Variants in EIF4E3 observed in about 807,000 individuals in gnomAD.
EIF4E3 encodes eukaryotic translation initiation factor 4E family member 3.
A neutral mutation model predicts 31.7 loss-of-function variants in EIF4E3; 26 were observed. The observed-to-expected ratio is 0.82, with a 90% CI of 0.60 to 1.14. The LOEUF is 1.14. Among genes scored for constraint, EIF4E3 ranks in the 50% most tolerant of loss-of-function variants. The pLI, the probability that EIF4E3 is intolerant of heterozygous loss-of-function variation, is 0.00. For synonymous variants in EIF4E3, 128 were observed against 107.7 expected (o/e 1.19, Z -1.17); for missense variants, 304 against 270.9 (o/e 1.12, Z -0.86).
chr3:71,693,956 G>T lies in EIF4E3; in HGVS notation c.406-15C>A, dbSNP rs759002916. The T allele has an allele frequency of 5.8e-6, 9 of 1,552,528 alleles. No individual in the cohort carries two copies. Among genetic ancestry groups the T allele is most frequent in the Admixed American group, 2.0e-5 (1 of 49,150 alleles). On this transcript the variant is annotated splice_polypyrimidine_tract_variant and intron_variant, in intron 4 of 6. Transcript: ENST00000425534. The stretch of plus-strand genomic sequence containing the variant: ...CAAACTGTGGACTGATATGGGAAAA[G>T]AATAAAAAACAAAACAAACAAAATA...
chr3:71,737,181 C>A (rs2049772339), intron 1 of EIF4E3, among the ~76,000 whole-genome samples: 1 of 152,180 alleles, frequency 6.6e-6, no homozygotes, highest in South Asian at 2.1e-4. Flanking sequence ...AACCCTAAGT[C>A]TGCCTGTGCT....
rs2048948619 is a variant in EIF4E3, at chr3:71,683,477, C to T, written c.*1205G>A. The T allele has an allele frequency of 6.6e-6, 1 of 152,224 alleles. No individual in the cohort carries two copies. The highest frequency in any genetic ancestry group is 2.4e-5 in the African/African-American group (1 of 41,452). 9.4% of individuals were successfully genotyped at this position (152,224 alleles called of 1,614,324 possible). The stretch of plus-strand genomic sequence containing the variant: ...GTCAGGAGAGGGAAATCAGCGTATT[C>T]TGAGCTAGTCTCCATGGTCCAGAGG... On this transcript the variant is annotated 3_prime_UTR_variant, in exon 7 of 7. Transcript: ENST00000425534.
At position 71,693,883 on chromosome 3, in the gene EIF4E3, G is replaced by A. The variant is rs866131789; in HGVS notation, c.464C>T (p.Ala155Val). Residue 155 changes from alanine to valine, a missense_variant, in exon 5 of 7, where the codon GCC becomes GTC. Ala to Val is a moderately conservative substitution (Grantham distance 64). Transcript: ENST00000425534. ...GCCGTGGGCTGCTTTACCTGCTGCG[G>A]CACAGTCTGTGAACTGTTCCCCGAT... is the stretch of plus-strand genomic sequence containing the variant. ...ATIGEQFTDC[A>V]AADDEVIGVS... 9.5e-6 allele frequency: 15 copies of A among 1,571,914 alleles called. No homozygotes were observed. Among genetic ancestry groups the A allele is most frequent in the Non-Finnish European group, 1.2e-5 (14 of 1,159,128 alleles).
chr3:71,712,644 G>GGGGGGGGGGGGGGGGGGC (rs35405190), intron 1 of EIF4E3, among the ~76,000 whole-genome samples: 1 of 123,988 alleles, frequency 8.1e-6, no homozygotes, highest in Non-Finnish European at 1.6e-5. Context: ...GTGGGCGGGG[G>GGGGGGGGGGGGGGGGGGC]AGATTCTAGG....
At chr3:71,739,361 C>A (rs62246357) in intron 1 of EIF4E3, among the ~76,000 whole-genome samples, 26,203 of 151,866 alleles carry the variant, frequency 0.17, 2,331 homozygotes, top group East Asian at 0.31. Context: ...TTCAGATATG[C>A]AAGAGCTGAA....
At chr3:71,695,707 G>A (rs1355937478) in intron 4 of EIF4E3, among the ~76,000 whole-genome samples, 1 of 152,136 alleles carries the variant, frequency 6.6e-6, no homozygotes, top group East Asian at 1.9e-4. Context: ...ATGGGTCCCT[G>A]GAGACATTTC....
At chr3:71,662,954 C>T in the EIF4E3 span, among the ~76,000 whole-genome samples, 1 of 152,298 alleles carries the variant, frequency 6.6e-6, no homozygotes, top group African/African-American at 2.4e-5. Flanking sequence ...TTCTCACATG[C>T]TTAGCACACA....
chr3:71,750,920 T>C (rs1049952085), intron 1 of EIF4E3, among the ~76,000 whole-genome samples: 3 of 151,252 alleles, frequency 2.0e-5, no homozygotes, highest in African/African-American at 4.9e-5. Flanking sequence ...CCTGCCACCA[T>C]GCCCAGCTAA....
upstream of EIF4E3, among the ~76,000 whole-genome samples, chr3:71,726,781 A>C (rs2049644869): frequency 1.3e-5 from 2 of 152,218 alleles, no homozygotes. Context: ...TCTATACAAC[A>C]TACAATGCTG....
chr3:71,710,528 G>C (rs2049363358), intron 1 of EIF4E3, 44 bp from the exon 2 acceptor site: 1 of 1,543,848 alleles, frequency 6.5e-7, no homozygotes, highest in Non-Finnish European at 8.8e-7. Flanking sequence ...AAAACAAGCA[G>C]TCAGTGCTCA....
At chr3:71,753,692 G>C (rs2049962891), upstream of EIF4E3, 1 of 149,874 alleles carries the variant, frequency 6.7e-6, no homozygotes, top group East Asian at 1.9e-4. Flanking sequence ...CGGCGGCGGC[G>C]GGCCCGGCGG....
At chr3:71,720,245 T>C (rs1370124792) in intron 1 of EIF4E3, among the ~76,000 whole-genome samples, 1 of 151,830 alleles carries the variant, frequency 6.6e-6, no homozygotes, top group Non-Finnish European at 1.5e-5. Flanking sequence ...ATTGGTGTGA[T>C]CATAGTTCAC....
intron 1 of EIF4E3, among the ~76,000 whole-genome samples, chr3:71,744,299 AAAG>A (rs1391895623): frequency 6.6e-6 from 1 of 152,222 alleles, no homozygotes; most frequent in Non-Finnish European, 1.5e-5. Flanking sequence ...GTTTATCAGC[AAAG>A]AAGATAGGTA....
intron 1 of EIF4E3, among the ~76,000 whole-genome samples, chr3:71,731,133 T>C (rs927589946): frequency 2.0e-5 from 3 of 152,180 alleles, no homozygotes; most frequent in Non-Finnish European, 4.4e-5. Context: ...GTCTCCCTGC[T>C]TCTAACACCC....
At chr3:71,699,833 T>C in intron 2 of EIF4E3, 125 bp from the exon 3 acceptor site, 1 of 717,004 alleles carries the variant, frequency 1.4e-6, no homozygotes, top group East Asian at 2.7e-5. Context: ...TCAAAATAGA[T>C]TTTTCTCAGT....
chr3:71,710,426 CTG>C lies in EIF4E3; in HGVS notation c.233_234del (p.Thr78SerfsTer13). 6.4e-7 allele frequency: 1 copy of C among 1,552,142 alleles called. No homozygotes were observed. Among genetic ancestry groups the C allele is most frequent in the Non-Finnish European group, 8.7e-7 (1 of 1,147,096 alleles). ...ECASNLKKIYTVQTVQIFWSV... is the reference protein window; with the variant it reads ...ECASNLKKIYXVQTVQIFWSV... ...CTTGATCTTACCTGTACTGTCTGTACTGTGTAGATTTTCTTCAGATTTGATGC... is the reference window on the plus strand; with the variant it reads ...CTTGATCTTACCTGTACTGTCTGTACTGTAGATTTTCTTCAGATTTGATGC... On this transcript the variant is annotated frameshift_variant, in exon 2 of 7. Transcript: ENST00000425534. LOFTEE classifies it high-confidence loss of function.
chr3:71,716,357 C>T lies in EIF4E3; in HGVS notation c.177-5873G>A, dbSNP rs181888068. Among the ~76,000 whole-genome samples, 1,169 of 152,274 alleles carry T rather than the reference C, an allele frequency of 7.7e-3. 4 individuals carry two copies. Among genetic ancestry groups the T allele is most frequent in the Middle Eastern group, 0.017 (5 of 294 alleles). ...ACGCCATTCTCCTGCCTCAGCCTCC[C>T]AAGTAGCTGGGACTACAAGCACCCG... is the stretch of plus-strand genomic sequence containing the variant. On this transcript the variant is annotated intron_variant, in intron 1 of 6. Transcript: ENST00000425534.
chr3:71,662,239 G>A, the EIF4E3 span, among the ~76,000 whole-genome samples: 283 of 152,250 alleles, frequency 1.9e-3, 5 homozygotes, highest in Admixed American at 0.016. Context: ...TGAAAGAAGC[G>A]TCTCTTAGCT....
At position 71,676,769 on chromosome 3, in the gene EIF4E3, AAC is replaced by A. The variant is rs1294519073; in HGVS notation, c.*7911_*7912del. ...TCAAAAAAAAAAAAAAATTCTGAAA[AAC>A]AGTCTTGTCCTTTATAACTTGACTA... On this transcript the variant is annotated 3_prime_UTR_variant, in exon 7 of 7. Transcript: ENST00000425534. The A allele has an allele frequency of 6.6e-6, 1 of 152,148 alleles. No individual in the cohort carries two copies. The highest frequency in any genetic ancestry group is 1.5e-5 in the Non-Finnish European group (1 of 68,022). 9.4% of individuals were successfully genotyped at this position (152,148 alleles called of 1,614,324 possible).
Sources: allele counts gnomAD v4.1 joint callset (sites outside exome capture counted in the v4.1 genomes callset), GRCh38; gene constraint gnomAD v4.1.1; transcripts MANE v1.5; gene names NCBI Gene and HGNC (gene_info 2026-07-23, HGNC 2026-07-21).